SYT1: variants seen among roughly 807,000 people sequenced by gnomAD.
SYT1 encodes the protein synaptotagmin 1.
In SYT1, 8 loss-of-function variants were observed where a neutral mutation model predicts 44.8. The observed-to-expected ratio is 0.18, with a 90% confidence interval of 0.10 to 0.32. The LOEUF (loss-of-function observed/expected upper bound fraction) is 0.32, where lower values mean the gene tolerates loss of function less well. SYT1 is among the 10% of genes least tolerant of loss of function. The pLI is 1.00. For missense variants in SYT1, 286 were observed against 509.3 expected (o/e 0.56, Z 4.22); for synonymous variants, 154 against 188.8 (o/e 0.82, Z 1.51).
At chr12:79,241,468 C>T (rs773164613) in intron 4 of SYT1, among the ~76,000 whole-genome samples, 1 of 152,022 alleles carries the variant, frequency 6.6e-6, no homozygotes, top group Non-Finnish European at 1.5e-5. Context: ...GATGGGGTTT[C>T]GCCATGTTGG....
At chr12:79,127,121 A>T (rs1868491081) in intron 3 of SYT1, among the ~76,000 whole-genome samples, 1 of 152,228 alleles carries the variant, frequency 6.6e-6, no homozygotes, top group Admixed American at 6.5e-5. Context: ...ATCTGGACTG[A>T]TCTTCCACTG....
At chr12:79,333,804 A>C (rs1463662195) in intron 8 of SYT1, among the ~76,000 whole-genome samples, 1 of 152,180 alleles carries the variant, frequency 6.6e-6, no homozygotes, top group Non-Finnish European at 1.5e-5. Flanking sequence ...AGATAGTTAC[A>C]TTATTATTTA....
intron 2 of SYT1, among the ~76,000 whole-genome samples, chr12:79,046,824 C>T (rs1236061037): frequency 6.6e-6 from 1 of 151,798 alleles, no homozygotes; most frequent in Non-Finnish European, 1.5e-5. Context: ...ATATGTATAA[C>T]ATATTGAGGT....
chr12:79,380,301 A>G (rs1428922149), intron 9 of SYT1, among the ~76,000 whole-genome samples: 2 of 152,234 alleles, frequency 1.3e-5, no homozygotes, highest in African/African-American at 4.8e-5. Flanking sequence ...TCTGACAAAG[A>G]TGCAATTTGA....
At chr12:78,948,849 T>C (rs1348710891) in intron 1 of SYT1, among the ~76,000 whole-genome samples, 1 of 151,772 alleles carries the variant, frequency 6.6e-6, no homozygotes, top group African/African-American at 2.4e-5. Flanking sequence ...TAACATGCCC[T>C]GATAATAAAT....
chr12:78,978,496 G>C (rs1262054781), intron 2 of SYT1, among the ~76,000 whole-genome samples: 1 of 152,162 alleles, frequency 6.6e-6, no homozygotes, highest in Non-Finnish European at 1.5e-5. Flanking sequence ...ACATATGTTA[G>C]AGTACATAAT....
At chr12:78,991,805 A>G (rs1311608053) in intron 2 of SYT1, among the ~76,000 whole-genome samples, 2 of 152,224 alleles carry the variant, frequency 1.3e-5, no homozygotes, top group African/African-American at 4.8e-5. Flanking sequence ...GTACATTTAT[A>G]GATTTTACAG....
chr12:79,350,323 G>A (rs1302599725), intron 8 of SYT1, among the ~76,000 whole-genome samples: 1 of 148,868 alleles, frequency 6.7e-6, no homozygotes, highest in Non-Finnish European at 1.5e-5. Flanking sequence ...CGCGATCTCG[G>A]CTCACTGCAA....
chr12:79,317,536 GAGC>G (rs1370647595), intron 8 of SYT1, among the ~76,000 whole-genome samples: 1 of 152,154 alleles, frequency 6.6e-6, no homozygotes, highest in African/African-American at 2.4e-5. Context: ...GCTTGAAAAA[GAGC>G]AGGACATTGC....
intron 9 of SYT1, among the ~76,000 whole-genome samples, chr12:79,392,002 ACAC>A (rs1884676484): frequency 6.6e-6 from 1 of 152,188 alleles, no homozygotes; most frequent in Non-Finnish European, 1.5e-5. Flanking sequence ...TGCCACATCC[ACAC>A]CACATGAACA....
chr12:79,135,225 G>T (rs1025922014), intron 3 of SYT1, among the ~76,000 whole-genome samples: 1 of 151,628 alleles, frequency 6.6e-6, no homozygotes, highest in Non-Finnish European at 1.5e-5. Flanking sequence ...TTAGCATTAG[G>T]TATATCTCCT....
At chr12:79,008,174 A>G (rs1012760732) in intron 2 of SYT1, among the ~76,000 whole-genome samples, 1 of 152,008 alleles carries the variant, frequency 6.6e-6, no homozygotes, top group Non-Finnish European at 1.5e-5. Context: ...GTCACCTCTT[A>G]GTTGAAACCT....
At chr12:79,038,437 A>T (rs1489155405) in intron 2 of SYT1, among the ~76,000 whole-genome samples, 1 of 151,742 alleles carries the variant, frequency 6.6e-6, no homozygotes, top group African/African-American at 2.4e-5. Flanking sequence ...ACAGTGCTTT[A>T]TTTTTGTGTT....
chr12:79,308,612 A>AAGAAAG (rs1462021152), intron 8 of SYT1, among the ~76,000 whole-genome samples: 3,317 of 134,288 alleles, frequency 0.025, 72 homozygotes, highest in East Asian at 0.071. Flanking sequence ...GAAAGAAAGA[A>AAGAAAG]AAAGAAAGAA....
chr12:78,865,789 C>T (rs1284082169), intron 1 of SYT1, among the ~76,000 whole-genome samples: 1 of 152,146 alleles, frequency 6.6e-6, no homozygotes, highest in Admixed American at 6.5e-5. Context: ...CCACTTTCAA[C>T]TGCTTAATTG....
intron 6 of SYT1, among the ~76,000 whole-genome samples, chr12:79,294,814 GT>G (rs1312482274): frequency 6.6e-6 from 1 of 151,174 alleles, no homozygotes; most frequent in East Asian, 1.9e-4. Context: ...TATTTTAGCT[GT>G]TTTTTGACCA....
chr12:79,370,389 T>C (rs1342878898), intron 9 of SYT1, among the ~76,000 whole-genome samples: 1 of 152,180 alleles, frequency 6.6e-6, no homozygotes, highest in African/African-American at 2.4e-5. Context: ...CTGGGATCCA[T>C]GAGTATAAGT....
At chr12:79,151,500 T>C (rs897321700) in intron 3 of SYT1, among the ~76,000 whole-genome samples, 2 of 152,164 alleles carry the variant, frequency 1.3e-5, no homozygotes, top group African/African-American at 2.4e-5. Context: ...TTGAAATTGA[T>C]TCTGAAGAGA....
chr12:78,978,239 T>A (rs1244704242), intron 2 of SYT1, among the ~76,000 whole-genome samples: 2 of 152,178 alleles, frequency 1.3e-5, no homozygotes, highest in Admixed American at 1.3e-4. Context: ...AATCCAAAGT[T>A]GTCATGGTTC....
Sources: allele counts gnomAD v4.1 joint callset (sites outside exome capture counted in the v4.1 genomes callset), GRCh38; gene constraint gnomAD v4.1.1; transcripts MANE v1.5; gene names NCBI Gene and HGNC (gene_info 2026-07-23, HGNC 2026-07-21).